The following ROBO1 variants were observed in gnomAD, a reference collection of about 807,000 sequenced individuals.
ROBO1 encodes the protein roundabout guidance receptor 1.
A neutral mutation model predicts 195.9 loss-of-function variants in ROBO1; 149 were observed. That is an observed-to-expected ratio of 0.76 (90% CI 0.67 to 0.87). The LOEUF (loss-of-function observed/expected upper bound fraction) is 0.87, where lower values mean the gene tolerates loss of function less well. Ranked by LOEUF, ROBO1 falls within the 40% of genes least tolerant of loss-of-function variation. ROBO1 has a pLI of 0.00. For synonymous variants in ROBO1, 816 were observed against 733.2 expected, an observed-to-expected ratio of 1.11 and a Z score of -1.82; for missense variants, 1,933 against 2,068.3, an observed-to-expected ratio of 0.93 and a Z score of 1.27.
intron 3 of ROBO1, among the ~76,000 whole-genome samples, chr3:79,072,354 A>G (rs1255985291): frequency 6.6e-6 from 1 of 151,942 alleles, no homozygotes; most frequent in African/African-American, 2.4e-5. Flanking sequence ...AATTTGTTTC[A>G]AATATTTAAA....
At chr3:79,716,693 GC>G (rs1265892894) in intron 1 of ROBO1, among the ~76,000 whole-genome samples, 2 of 151,876 alleles carry the variant, frequency 1.3e-5, no homozygotes, top group Non-Finnish European at 2.9e-5. Flanking sequence ...TTGGTCCTCA[GC>G]CAGTAATACC....
At chr3:79,701,445 A>G (rs1161550494) in intron 1 of ROBO1, among the ~76,000 whole-genome samples, 2 of 151,678 alleles carry the variant, frequency 1.3e-5, no homozygotes, top group African/African-American at 4.8e-5. Context: ...CACTACCGAG[A>G]TGACAGAACT....
At chr3:79,063,964 G>A (rs868376662) in intron 3 of ROBO1, among the ~76,000 whole-genome samples, 3 of 151,868 alleles carry the variant, frequency 2.0e-5, no homozygotes, top group African/African-American at 7.2e-5. Flanking sequence ...GGGATGGAGA[G>A]AGGTAGTGAA....
chr3:79,173,933 ACT>A (rs1266148509), intron 2 of ROBO1, among the ~76,000 whole-genome samples: 5 of 151,944 alleles, frequency 3.3e-5, no homozygotes, highest in Non-Finnish European at 1.5e-5. Context: ...ACCAATTGAC[ACT>A]CTGTATCTAG....
At chr3:79,569,516 A>G (rs1259653315) in intron 2 of ROBO1, among the ~76,000 whole-genome samples, 1 of 152,094 alleles carries the variant, frequency 6.6e-6, no homozygotes, top group Non-Finnish European at 1.5e-5. Flanking sequence ...TTTCATGTAT[A>G]TTATTTTGTC....
intron 4 of ROBO1, among the ~76,000 whole-genome samples, chr3:78,899,245 C>T (rs956387599): frequency 6.6e-6 from 1 of 152,102 alleles, no homozygotes; most frequent in African/African-American, 2.4e-5. Context: ...AAGTGGAAAC[C>T]TCGGCTCCTA....
intron 4 of ROBO1, among the ~76,000 whole-genome samples, chr3:78,835,470 A>G (rs2032627260): frequency 6.6e-6 from 1 of 152,206 alleles, no homozygotes; most frequent in African/African-American, 2.4e-5. Flanking sequence ...ATGTCTCCAA[A>G]TGAAAATAAG....
chr3:79,514,413 G>A (rs1380380052), intron 2 of ROBO1, among the ~76,000 whole-genome samples: 1 of 152,150 alleles, frequency 6.6e-6, no homozygotes, highest in Non-Finnish European at 1.5e-5. Context: ...CAATGTGATA[G>A]CACATTGGTG....
intron 2 of ROBO1, among the ~76,000 whole-genome samples, chr3:79,314,339 C>T (rs371661656): frequency 2.2e-3 from 331 of 152,264 alleles, no homozygotes; most frequent in Non-Finnish European, 3.6e-3. Flanking sequence ...GGGAGAGACC[C>T]GGTGGGAGGT....
chr3:79,230,220 A>C (rs977027450), intron 2 of ROBO1, among the ~76,000 whole-genome samples: 4 of 152,166 alleles, frequency 2.6e-5, no homozygotes, highest in African/African-American at 9.7e-5. Context: ...AGTCTCCCTT[A>C]TGAAGCTTTT....
At chr3:79,410,324 G>A (rs2037715721) in intron 2 of ROBO1, among the ~76,000 whole-genome samples, 1 of 152,140 alleles carries the variant, frequency 6.6e-6, no homozygotes, top group Admixed American at 6.6e-5. Context: ...AGCACAATGT[G>A]TGGGATAAAT....
chr3:79,144,701 A>G (rs1000030585), intron 2 of ROBO1, among the ~76,000 whole-genome samples: 2 of 151,984 alleles, frequency 1.3e-5, no homozygotes, highest in Non-Finnish European at 2.9e-5. Context: ...TATTAAAAGG[A>G]AAAATATATA....
chr3:78,614,441 T>A (rs753413003), intron 28 of ROBO1, among the ~76,000 whole-genome samples: 5 of 152,198 alleles, frequency 3.3e-5, no homozygotes, highest in Non-Finnish European at 5.9e-5. Flanking sequence ...TTTTGTTTTT[T>A]TAAATAACAA....
chr3:78,834,552 T>C (rs1320660116), intron 4 of ROBO1, among the ~76,000 whole-genome samples: 1 of 151,546 alleles, frequency 6.6e-6, no homozygotes, highest in Non-Finnish European at 1.5e-5. Flanking sequence ...ACCACAAATA[T>C]GTATTCATTT....
intron 1 of ROBO1, among the ~76,000 whole-genome samples, chr3:79,648,712 T>A (rs535510784): frequency 6.6e-6 from 1 of 152,238 alleles, no homozygotes; most frequent in African/African-American, 2.4e-5. Context: ...ATTGTCATTA[T>A]GAGTCTTGAC....
intron 8 of ROBO1, among the ~76,000 whole-genome samples, chr3:78,706,622 G>A (rs1448277008): frequency 2.0e-5 from 3 of 152,062 alleles, no homozygotes; most frequent in Admixed American, 1.3e-4. Context: ...GATTATAGGC[G>A]TGAACCATGA....
At chr3:79,598,131 T>A (rs1357333542) in intron 1 of ROBO1, among the ~76,000 whole-genome samples, 1 of 152,082 alleles carries the variant, frequency 6.6e-6, no homozygotes, top group African/African-American at 2.4e-5. Flanking sequence ...ATGTGGTAAT[T>A]TGAGATTCTT....
chr3:78,784,593 A>G (rs766877480), intron 4 of ROBO1, among the ~76,000 whole-genome samples: 1 of 111,418 alleles, frequency 9.0e-6, no homozygotes, highest in Non-Finnish European at 2.0e-5. Flanking sequence ...TGAACTTAAA[A>G]GTAAATTGAA....
intron 3 of ROBO1, among the ~76,000 whole-genome samples, chr3:79,110,976 G>A (rs1422083985): frequency 6.6e-6 from 1 of 152,032 alleles, no homozygotes; most frequent in Admixed American, 6.6e-5. Context: ...TGACACTACA[G>A]TGTCATAATA....
Sources: allele counts gnomAD v4.1 joint callset (sites outside exome capture counted in the v4.1 genomes callset), GRCh38; gene constraint gnomAD v4.1.1; transcripts MANE v1.5; gene names NCBI Gene and HGNC (gene_info 2026-07-23, HGNC 2026-07-21).